Variants in SPTBN4 observed in about 807,000 individuals in gnomAD.
SPTBN4 encodes the protein spectrin beta, non-erythrocytic 4, also known as spectrin beta chain, non-erythrocytic 4.
A neutral mutation model predicts 277.8 loss-of-function variants in SPTBN4; 96 were observed. That is an observed-to-expected ratio of 0.35 (90% CI 0.29 to 0.41). The LOEUF (loss-of-function observed/expected upper bound fraction) is 0.41, where lower values mean the gene tolerates loss of function less well. Among genes scored for constraint, SPTBN4 ranks in the 10% least tolerant of loss-of-function variants. The pLI is 1.00. For missense variants in SPTBN4, 3,006 were observed against 3,595.7 expected, an observed-to-expected ratio of 0.84 and a Z score of 4.19; for synonymous variants, 1,481 against 1,580.3, an observed-to-expected ratio of 0.94 and a Z score of 1.49.
At position 40,484,337 on chromosome 19, in the gene SPTBN4, A is replaced by T. The variant is rs112864655; in HGVS notation, c.170-3360A>T. On this transcript the variant is annotated intron_variant, in intron 2 of 35. Coordinates refer to ENST00000598249, the MANE Select transcript of SPTBN4 (RefSeq NM_020971.3). ...CATCTTTATTCCTGAATTAATGGAA[A>T]ACTTAATAGGAAACTTAATATTATT... Among the ~76,000 whole-genome samples the T allele has an allele frequency of 3.4e-3, 518 of 152,340 alleles. 3 individuals carry two copies. Among genetic ancestry groups the T allele is most frequent in the African/African-American group, 0.012 (487 of 41,582 alleles).
intron 2 of SPTBN4, among the ~76,000 whole-genome samples, chr19:40,479,938 C>CAA (rs778676713): frequency 3.0e-5 from 4 of 135,434 alleles, no homozygotes; most frequent in Non-Finnish European, 4.8e-5. Context: ...CCCGTCTCTA[C>CAA]AAAAAAAAAA....
chr19:40,481,468 G>GT (rs2080009924), intron 2 of SPTBN4, among the ~76,000 whole-genome samples: 1 of 151,950 alleles, frequency 6.6e-6, no homozygotes, highest in African/African-American at 2.4e-5. Flanking sequence ...CGATGGTCAG[G>GT]TTTTTTGTTT....
intron 20 of SPTBN4, among the ~76,000 whole-genome samples, chr19:40,546,664 G>T (rs2080863238): frequency 6.6e-6 from 1 of 152,130 alleles, no homozygotes; most frequent in South Asian, 2.1e-4. Flanking sequence ...AACATAGCAA[G>T]ACCCCATCTT....
At chr19:40,486,835 C>T (rs1273912492) in intron 2 of SPTBN4, among the ~76,000 whole-genome samples, 1 of 152,138 alleles carries the variant, frequency 6.6e-6, no homozygotes, top group Non-Finnish European at 1.5e-5. Flanking sequence ...TTCACAGAGC[C>T]TTGAACAGGC....
chr19:40,504,934 T>A (rs111770444), intron 12 of SPTBN4, among the ~76,000 whole-genome samples: 4,447 of 149,960 alleles, frequency 0.03, 95 homozygotes, highest in Non-Finnish European at 0.045. Flanking sequence ...ATAGTGACAG[T>A]TTGAGAGAGA....
intron 20 of SPTBN4, among the ~76,000 whole-genome samples, chr19:40,535,661 G>C (rs1392851492): frequency 1.3e-5 from 2 of 152,132 alleles, no homozygotes; most frequent in African/African-American, 4.8e-5. Context: ...AGCTGGGTGT[G>C]GTGGCTCACG....
At chr19:40,504,677 A>AC (rs1426765987) in intron 12 of SPTBN4, among the ~76,000 whole-genome samples, 1 of 150,800 alleles carries the variant, frequency 6.6e-6, no homozygotes, top group Non-Finnish European at 1.5e-5. Context: ...TCAAAAAAAA[A>AC]AACAAAAAAA....
intron 16 of SPTBN4, among the ~76,000 whole-genome samples, chr19:40,520,882 G>T (rs1397462042): frequency 6.6e-6 from 1 of 152,108 alleles, no homozygotes; most frequent in Non-Finnish European, 1.5e-5. Context: ...GTTATATAAG[G>T]GATGCTGACC....
chr19:40,521,481 G>A (rs1210297067), intron 16 of SPTBN4, among the ~76,000 whole-genome samples: 1 of 152,118 alleles, frequency 6.6e-6, no homozygotes, highest in Non-Finnish European at 1.5e-5. Context: ...GGTGATGGGA[G>A]GCAGCGACAG....
At position 40,569,480 on chromosome 19, in the gene SPTBN4, C is replaced by T. The variant is rs1248530890; in HGVS notation, c.6957-177C>T. 2.6e-5 allele frequency among the ~76,000 whole-genome samples: 4 copies of T among 151,656 alleles called. No individual in the cohort carries two copies. The East Asian group carries it at 7.7e-4, about 29-fold the overall frequency. On this transcript the variant is annotated intron_variant, in intron 31 of 35. Transcript: ENST00000598249. ...GCGAGAGGTTTGGTCTTCCATTCAG[C>T]AGACACGTCCCAAACACCTGTGGTA...
chr19:40,570,665 T>C lies in SPTBN4; in HGVS notation c.7256T>C (p.Val2419Ala). The change falls in exon 33 of 36, where the codon GTG (valine) becomes GCG (alanine). Residue 2419 changes from valine to alanine, a missense_variant. Physicochemically the swap from Val to Ala is moderately conservative, Grantham distance 64. Around this residue, in one of 5 missense-constraint regions of SPTBN4, gnomAD observed 630 missense variants for 677.6 expected, o/e 0.93. Transcript: ENST00000598249. The stretch of plus-strand genomic sequence containing the variant: ...CCTCCGCCACCGCCCACTCACACAG[T>C]GCAGCACGAGGGCTTCCTACTGCGC... ...PAPPPPPTHT[V>A]QHEGFLLRKR... is the part of the protein sequence containing the mutation. 4 of 1,599,764 alleles carry C rather than the reference T, an allele frequency of 2.5e-6. No homozygotes were observed. Among genetic ancestry groups the C allele is most frequent in the Non-Finnish European group, 2.6e-6 (3 of 1,174,174 alleles).
In SPTBN4 at chr19:40,567,770, G is replaced by T. The variant is rs773131157; in HGVS notation, c.6444G>T (p.Leu2148=). 21 of 1,530,700 alleles carry T rather than the reference G, an allele frequency of 1.4e-5. No individual in the cohort carries two copies. In the East Asian group the frequency reaches 5.1e-4, roughly 38 times the overall value. The allele number at this position is 1,530,700 out of a possible 1,614,324, so 94.8% of individuals were successfully genotyped here. The change falls in exon 31 of 36, where the codon CTG becomes CTT. Residue 2148 remains leucine (L), a synonymous_variant. Coordinates refer to ENST00000598249, the MANE Select transcript of SPTBN4 (RefSeq NM_020971.3). ...TGGCGGCCAAGGCGGCGCCCCTGCT[G>T]CGGCCAGGGGGCTATGAAAGGGGCT... ...TELAAKAAPL[L]RPGGYERGLE...
At chr19:40,509,639 CTG>C (rs1249513471) in intron 13 of SPTBN4, among the ~76,000 whole-genome samples, 3 of 152,312 alleles carry the variant, frequency 2.0e-5, no homozygotes, top group Admixed American at 6.5e-5. Flanking sequence ...GATGAGGAAA[CTG>C]AGGCCCAGGC....
In SPTBN4 at chr19:40,506,309, T is replaced by C. The variant is rs1372714240; in HGVS notation, c.1739T>C (p.Leu580Pro). The change falls in exon 13 of 36, where the codon CTG becomes CCG. Residue 580 changes from leucine (L) to proline (P), a missense_variant. By Grantham distance (98) the Leu-to-Pro change is moderately conservative. Transcript: ENST00000598249. ...GACCTGTTGCAGAAGCATGGACTGC[T>C]GGAGGGAGACATTGCCGCCCAGAGC... ...ADDLLQKHGL[L>P]EGDIAAQSER... 1.2e-6 allele frequency: 2 copies of C among 1,614,038 alleles called. No individual in the cohort carries two copies. Among genetic ancestry groups the C allele is most frequent in the Non-Finnish European group, 1.7e-6 (2 of 1,179,888 alleles).
chr19:40,550,394 T>C, intron 22 of SPTBN4, 67 bp downstream of exon 22: 2 of 1,478,716 alleles, frequency 1.4e-6, no homozygotes, highest in South Asian at 2.3e-5. Context: ...CAGCTGAAGG[T>C]GGTTAAAGCC....
chr19:40,529,352 C>A (rs1258727986), intron 18 of SPTBN4, among the ~76,000 whole-genome samples: 1 of 152,230 alleles, frequency 6.6e-6, no homozygotes, highest in Non-Finnish European at 1.5e-5. Flanking sequence ...GGGCCCCGGG[C>A]GCCCCTGGCA....
chr19:40,504,600 C>T (rs935746398), intron 12 of SPTBN4, among the ~76,000 whole-genome samples: 8 of 151,140 alleles, frequency 5.3e-5, no homozygotes, highest in South Asian at 2.1e-4. Context: ...ACCCGGGAGG[C>T]GGAGCTTGCA....
chr19:40,484,765 A>T (rs1016867588), intron 2 of SPTBN4, among the ~76,000 whole-genome samples: 1 of 149,150 alleles, frequency 6.7e-6, no homozygotes, highest in African/African-American at 2.4e-5. Flanking sequence ...ATCTCTACTA[A>T]AAAAAAATTA....
chr19:40,560,942 A>G lies in SPTBN4; in HGVS notation c.5915+539A>G, dbSNP rs1203156470. On this transcript the variant is annotated intron_variant, in intron 27 of 35. Transcript: ENST00000598249. The surrounding 1 kb of genome is among the most constrained non-coding windows in gnomAD (Gnocchi z 5.2). The stretch of plus-strand genomic sequence containing the variant: ...AAAAGATAGCAGGAGGATCACACAG[A>G]AGGTTTTAGGGATAAAGCCGGCACC... Among the ~76,000 whole-genome samples, 1 of 152,116 alleles carries G rather than the reference A, an allele frequency of 6.6e-6. No homozygotes were observed. Among genetic ancestry groups the G allele is most frequent in the East Asian group, 1.9e-4 (1 of 5,178 alleles).
Sources: gnomAD v4.1 joint callset for allele counts (sites outside exome capture counted in the v4.1 genomes callset) on GRCh38, gnomAD v4.1.1 for gene constraint, gnomAD v4.1.1 regional missense constraint, Gnocchi (gnomAD v3.1) non-coding constraint, MANE v1.5 for transcripts, NCBI Gene and HGNC (gene_info 2026-07-23, HGNC 2026-07-21) for gene names.